The following GOLGA4 variants were observed in gnomAD, a reference collection of about 807,000 sequenced individuals.
GOLGA4 encodes golgin A4, also known as golgin subfamily A member 4.
A neutral mutation model predicts 265.9 loss-of-function variants in GOLGA4; 169 were observed. That is an observed-to-expected ratio of 0.64 (90% CI 0.56 to 0.72). The LOEUF (loss-of-function observed/expected upper bound fraction) is 0.72, where lower values mean the gene tolerates loss of function less well. Among genes scored for constraint, GOLGA4 ranks in the 30% least tolerant of loss-of-function variants. The pLI is 0.00. For synonymous variants in GOLGA4, 923 were observed against 855.8 expected (o/e 1.08, Z -1.37); for missense variants, 2,482 against 2,483.4 (o/e 1.00, Z 0.01).
intron 22 of GOLGA4, 22 bp downstream of exon 22, chr3:37,355,209 TA>T: frequency 8.1e-7 from 1 of 1,230,878 alleles, no homozygotes; most frequent in African/African-American, 1.5e-5. Context: ...AAGTGGGCTC[TA>T]GATAGAAGAT....
chr3:37,315,213 C>T (rs1222588660), intron 10 of GOLGA4, among the ~76,000 whole-genome samples: 1 of 152,150 alleles, frequency 6.6e-6, no homozygotes, highest in East Asian at 1.9e-4. Context: ...TATCCTAATC[C>T]AGAACTCAGT....
intron 22 of GOLGA4, among the ~76,000 whole-genome samples, chr3:37,356,010 C>T (rs1351933295): frequency 2.6e-5 from 4 of 152,062 alleles, no homozygotes; most frequent in African/African-American, 7.2e-5. Context: ...GGTGGGTTAG[C>T]GTGTGTCTGA....
intron 21 of GOLGA4, among the ~76,000 whole-genome samples, chr3:37,353,770 T>C (rs557849195): frequency 1.2e-4 from 18 of 152,144 alleles, no homozygotes; most frequent in Non-Finnish European, 2.5e-4. Flanking sequence ...TTAAAATTTT[T>C]TGTAGAGATG....
At chr3:37,273,004 G>T (rs1189235891) in intron 2 of GOLGA4, among the ~76,000 whole-genome samples, 1 of 152,146 alleles carries the variant, frequency 6.6e-6, no homozygotes, top group East Asian at 1.9e-4. Context: ...TCTTTCGCGT[G>T]TGGAAGAAGA....
In GOLGA4 at chr3:37,275,215, CAAAAAAAAAAAAAA is replaced by C. The variant is rs749758741; in HGVS notation, c.163-6730_163-6717del. On this transcript the variant is annotated intron_variant, in intron 2 of 23. Transcript: ENST00000361924. ...TGGGCGACAGAGCGAGACTCCGTCT[CAAAAAAAAAAAAAA>C]AAAAAAAAAAAAGAAAAAAAAAACC... Among the ~76,000 whole-genome samples the C allele has an allele frequency of 3.6e-4, 16 of 44,982 alleles. No homozygotes were observed. In the Admixed American group the frequency reaches 3.9e-3, roughly 11 times the overall value. The allele number at this position is 44,982 out of a possible 152,430, so 29.5% of individuals were successfully genotyped here.
chr3:37,297,258 A>T (rs2096880912), intron 7 of GOLGA4, among the ~76,000 whole-genome samples: 1 of 152,242 alleles, frequency 6.6e-6, no homozygotes, highest in African/African-American at 2.4e-5. Flanking sequence ...CTTATGATAA[A>T]CTTGGAGTAA....
intron 2 of GOLGA4, among the ~76,000 whole-genome samples, chr3:37,263,051 A>G (rs113580027): frequency 6.5e-4 from 99 of 152,308 alleles, no homozygotes; most frequent in African/African-American, 2.2e-3. Flanking sequence ...AGTCCTGCCA[A>G]TCTTCATTCA....
intron 2 of GOLGA4, chr3:37,276,026 A>G: frequency 6.2e-7 from 1 of 1,612,972 alleles, no homozygotes; most frequent in Non-Finnish European, 8.5e-7. Context: ...TTCCAGCGGC[A>G]ATGTAAGCAA....
Position 37,302,260 on chromosome 3 carries a change from C to G in GOLGA4, c.1162C>G (p.Arg388Gly), listed in dbSNP as rs140983166. 1 of 1,612,588 alleles carries G rather than the reference C, an allele frequency of 6.2e-7. No homozygotes were observed. The highest frequency in any genetic ancestry group is 2.2e-5 in the East Asian group (1 of 44,834). Residue 388 changes from arginine (R) to glycine (G), a missense_variant, in exon 10 of 24, where the codon CGT (arginine) becomes GGT (glycine). Around this residue, in one of 3 missense-constraint regions of GOLGA4, gnomAD observed 1,536 missense variants for 1,483.7 expected, o/e 1.04. Coordinates refer to ENST00000361924, the MANE Select transcript of GOLGA4 (RefSeq NM_002078.5). ...EMKEEEIAQLRSRIKQMTTQG... is the reference protein window; with the variant it reads ...EMKEEEIAQLGSRIKQMTTQG... Reference sequence around the variant, plus strand: ...GAAAGAAGAAGAAATTGCTCAACTCCGTAGTCGCATCAAACAGATGACTAC... The same window carrying G: ...GAAAGAAGAAGAAATTGCTCAACTCGGTAGTCGCATCAAACAGATGACTAC...
intron 10 of GOLGA4, among the ~76,000 whole-genome samples, chr3:37,311,164 C>T (rs1016553092): frequency 1.3e-5 from 2 of 152,064 alleles, no homozygotes; most frequent in African/African-American, 4.8e-5. Context: ...AGTGATGAGA[C>T]TCAGTGTTGG....
chr3:37,301,166 A>G (rs1559400921), intron 9 of GOLGA4, among the ~76,000 whole-genome samples: 3 of 152,264 alleles, frequency 2.0e-5, no homozygotes, highest in South Asian at 2.1e-4. Flanking sequence ...AAGTCTGAAC[A>G]TTTTTTCAAG....
At chr3:37,263,397 G>T (rs1045477952) in intron 2 of GOLGA4, among the ~76,000 whole-genome samples, 1 of 152,218 alleles carries the variant, frequency 6.6e-6, no homozygotes, top group Admixed American at 6.5e-5. Context: ...AAGCGGGAAA[G>T]AGGGATGAGG....
At chr3:37,322,306 G>A (rs1450466848) in intron 13 of GOLGA4, among the ~76,000 whole-genome samples, 3 of 152,130 alleles carry the variant, frequency 2.0e-5, no homozygotes, top group African/African-American at 4.8e-5. Flanking sequence ...ACACTAGTGT[G>A]TGGCTTTTGC....
intron 10 of GOLGA4, among the ~76,000 whole-genome samples, chr3:37,306,250 A>T (rs1487967138): frequency 6.6e-6 from 1 of 152,182 alleles, no homozygotes; most frequent in Non-Finnish European, 1.5e-5. Flanking sequence ...ATTTTAGTGG[A>T]TAAAGAAAAC....
In GOLGA4 at chr3:37,319,203, C is replaced by T. The variant is rs1167152489; in HGVS notation, c.1545+9C>T. 68 of 1,586,444 alleles carry T rather than the reference C, an allele frequency of 4.3e-5. No individual in the cohort carries two copies. Among genetic ancestry groups the T allele is most frequent in the Non-Finnish European group, 5.4e-5 (63 of 1,168,664 alleles). On this transcript the variant is annotated intron_variant, in intron 12 of 23. Coordinates refer to ENST00000361924, the MANE Select transcript of GOLGA4 (RefSeq NM_002078.5). Reference sequence around the variant, plus strand: ...AAATGAAAGTAGCTCTTGTAAGTGACTATTTTTTTTTTTCTGCTATAGGTA... The same window carrying T: ...AAATGAAAGTAGCTCTTGTAAGTGATTATTTTTTTTTTTCTGCTATAGGTA...
chr3:37,347,111 GT>G, intron 20 of GOLGA4, 81 bp from the exon 21 acceptor site: 1 of 793,698 alleles, frequency 1.3e-6, no homozygotes, highest in Non-Finnish European at 2.1e-6. Flanking sequence ...TCCATTGGTT[GT>G]TTTTTAAATC....
chr3:37,269,230 C>T (rs754628241), intron 2 of GOLGA4, among the ~76,000 whole-genome samples: 1 of 152,176 alleles, frequency 6.6e-6, no homozygotes. Flanking sequence ...GCTAGTTCTA[C>T]AGGCACCTCG....
chr3:37,272,489 A>G (rs1336549731), intron 2 of GOLGA4, among the ~76,000 whole-genome samples: 1 of 152,222 alleles, frequency 6.6e-6, no homozygotes, highest in Non-Finnish European at 1.5e-5. Flanking sequence ...GTCAGCTGTG[A>G]GCATGTCATT....
At chr3:37,346,607 T>C (rs1408956174) in intron 20 of GOLGA4, among the ~76,000 whole-genome samples, 3 of 152,202 alleles carry the variant, frequency 2.0e-5, no homozygotes, top group Admixed American at 6.5e-5. Flanking sequence ...TTATAAACAG[T>C]GTAAGTAAAC....
Sources: allele counts gnomAD v4.1 joint callset (sites outside exome capture counted in the v4.1 genomes callset), GRCh38; gene constraint gnomAD v4.1.1; regional missense constraint gnomAD v4.1.1; transcripts MANE v1.5; gene names NCBI Gene and HGNC (gene_info 2026-07-23, HGNC 2026-07-21).